TTC28: variants seen among roughly 807,000 people sequenced by gnomAD.
TTC28 encodes tetratricopeptide repeat domain 28.
Under a neutral mutation model 198.0 loss-of-function variants are expected in TTC28, and 61 were observed. The observed-to-expected ratio is 0.31, with a 90% CI of 0.25 to 0.38. The LOEUF (loss-of-function observed/expected upper bound fraction) is 0.38, where lower values mean the gene tolerates loss of function less well. Ranked by LOEUF, TTC28 falls within the 10% of genes least tolerant of loss-of-function variation. The pLI is 1.00. For missense variants in TTC28, 2,678 were observed against 3,164.0 expected, an observed-to-expected ratio of 0.85 and a Z score of 3.69; for synonymous variants, 1,171 against 1,297.8, an observed-to-expected ratio of 0.90 and a Z score of 2.10.
intron 12 of TTC28, among the ~76,000 whole-genome samples, chr22:28,074,690 C>A (rs1360245924): frequency 1.3e-5 from 2 of 152,166 alleles, no homozygotes; most frequent in African/African-American, 4.8e-5. Flanking sequence ...CATTTTTCCC[C>A]ACATCAATGT....
chr22:28,121,024 T>G (rs1225301736), intron 6 of TTC28, among the ~76,000 whole-genome samples: 3 of 152,346 alleles, frequency 2.0e-5, no homozygotes, highest in Non-Finnish European at 2.9e-5. Context: ...AAAATGGGAT[T>G]AAAATTGTGA....
At chr22:28,654,080 T>C (rs1342862334) in intron 1 of TTC28, among the ~76,000 whole-genome samples, 1 of 152,166 alleles carries the variant, frequency 6.6e-6, no homozygotes, top group African/African-American at 2.4e-5. Flanking sequence ...GAGGACATTA[T>C]AAAGGGATTG....
At chr22:28,462,149 T>C (rs903986195) in intron 2 of TTC28, among the ~76,000 whole-genome samples, 2 of 152,244 alleles carry the variant, frequency 1.3e-5, no homozygotes, top group Non-Finnish European at 2.9e-5. Context: ...ATATTATTTG[T>C]TCAAAATATT....
intron 6 of TTC28, among the ~76,000 whole-genome samples, chr22:28,155,727 G>A (rs2147032032): frequency 6.6e-6 from 1 of 152,276 alleles, no homozygotes; most frequent in South Asian, 2.1e-4. Flanking sequence ...TAGGTAAACG[G>A]TATATACAGA....
intron 6 of TTC28, among the ~76,000 whole-genome samples, chr22:28,148,588 G>A (rs1182826470): frequency 6.6e-6 from 1 of 150,940 alleles, no homozygotes; most frequent in African/African-American, 2.4e-5. Flanking sequence ...ACTTCAGCCT[G>A]GGCGACAGAA....
chr22:28,649,295 TA>T (rs1282129207), intron 1 of TTC28, among the ~76,000 whole-genome samples: 1 of 152,174 alleles, frequency 6.6e-6, no homozygotes, highest in East Asian at 1.9e-4. Flanking sequence ...ATGACTGCAC[TA>T]AAATCTCAGA....
chr22:28,209,735 A>G (rs1479873256), intron 5 of TTC28, among the ~76,000 whole-genome samples: 1 of 152,216 alleles, frequency 6.6e-6, no homozygotes, highest in Non-Finnish European at 1.5e-5. Context: ...AACAAAAGGC[A>G]GCAGAAACTT....
intron 12 of TTC28, among the ~76,000 whole-genome samples, chr22:28,079,791 C>A (rs752868826): frequency 2.0e-5 from 3 of 152,126 alleles, no homozygotes; most frequent in Non-Finnish European, 2.9e-5. Context: ...TACAGTGGCA[C>A]GATCACAGCT....
chr22:27,992,773 C>T lies in TTC28; in HGVS notation c.5477-110G>A. On this transcript the variant is annotated intron_variant, in intron 18 of 22. Transcript: ENST00000397906. ...AATCCTTGGCATCGGTGGCATTTTT[C>T]AGAAGCTCAGCACAGCTAGACATGT... is the stretch of plus-strand genomic sequence containing the variant. The T allele has an allele frequency of 5.9e-6, 6 of 1,013,170 alleles. No individual in the cohort carries two copies. The African/African-American group carries it at 9.8e-5, about 16-fold the overall frequency. The allele number at this position is 1,013,170 out of a possible 1,614,324, so 62.8% of individuals were successfully genotyped here.
chr22:28,420,660 C>T (rs1024458106), intron 2 of TTC28, among the ~76,000 whole-genome samples: 4 of 151,578 alleles, frequency 2.6e-5, no homozygotes, highest in East Asian at 1.9e-4. Context: ...TGCAGTGGCA[C>T]GCAATCTCAG....
chr22:28,217,555 T>C (rs377562854), intron 5 of TTC28, among the ~76,000 whole-genome samples: 151 of 152,320 alleles, frequency 9.9e-4, no homozygotes, highest in African/African-American at 3.4e-3. Flanking sequence ...TTATTGTCAT[T>C]AGTGAAATGA....
chr22:28,040,005 T>G (rs1939548807), intron 12 of TTC28, among the ~76,000 whole-genome samples: 1 of 152,196 alleles, frequency 6.6e-6, no homozygotes, highest in South Asian at 2.1e-4. Context: ...GATAAATTCC[T>G]GGACACATAC....
Position 28,030,353 on chromosome 22 carries a change from T to C in TTC28, c.3946A>G (p.Ser1316Gly), listed in dbSNP as rs1433046490. Reference protein sequence around the residue: ...ESHYSRACASSETESEAGDIM... With the variant: ...ESHYSRACASGETESEAGDIM... ...TCTCCCGCTTCACTCTCTGTCTCACTGCTGGCACAGGCCCTGCAGGAAAAA... is the reference window on the plus strand; with the variant it reads ...TCTCCCGCTTCACTCTCTGTCTCACCGCTGGCACAGGCCCTGCAGGAAAAA... The change falls in exon 13 of 23, where the codon AGT becomes GGT. Residue 1316 changes from serine to glycine, a missense_variant. By Grantham distance (56) the Ser-to-Gly change is moderately conservative. This residue lies in a region of TTC28 where 727 missense variants were observed against 861.9 expected (regional missense o/e 0.84). Coordinates refer to ENST00000397906, the MANE Select transcript of TTC28 (RefSeq NM_001145418.2). 6.4e-6 allele frequency: 10 copies of C among 1,551,870 alleles called. No homozygotes were observed. The highest frequency in any genetic ancestry group is 7.8e-6 in the Non-Finnish European group (9 of 1,147,030).
At chr22:28,499,435 T>C (rs2146363257) in intron 2 of TTC28, among the ~76,000 whole-genome samples, 1 of 152,310 alleles carries the variant, frequency 6.6e-6, no homozygotes, top group African/African-American at 2.4e-5. Flanking sequence ...TTGCTACCTT[T>C]CTCAGGGCAG....
chr22:28,568,434 G>A (rs536714597), intron 2 of TTC28, among the ~76,000 whole-genome samples: 1 of 152,244 alleles, frequency 6.6e-6, no homozygotes, highest in East Asian at 1.9e-4. Context: ...TCTCTTCACA[G>A]ATGATATGAT....
At chr22:28,347,343 G>T (rs1383149593) in intron 2 of TTC28, among the ~76,000 whole-genome samples, 1 of 151,430 alleles carries the variant, frequency 6.6e-6, no homozygotes, top group Middle Eastern at 3.4e-3. Context: ...CTCAACATAT[G>T]CTCCTTCAGT....
At position 28,088,138 on chromosome 22, in the gene TTC28, T is replaced by C. The variant is rs1466693547; in HGVS notation, c.3932+5942A>G. ...ATCCCCATCAAGCTACCAATGACTT[T>C]CTTCACAGAATTGGAGAAAACTACT... On this transcript the variant is annotated intron_variant, in intron 12 of 22. Coordinates refer to ENST00000397906, the MANE Select transcript of TTC28 (RefSeq NM_001145418.2). Among the ~76,000 whole-genome samples, 5 of 152,168 alleles carry C rather than the reference T, an allele frequency of 3.3e-5. 1 individual carries two copies. Among genetic ancestry groups the C allele is most frequent in the Non-Finnish European group, 5.9e-5 (4 of 68,030 alleles).
At chr22:28,224,137 A>C (rs1569208094) in intron 5 of TTC28, among the ~76,000 whole-genome samples, 1 of 152,122 alleles carries the variant, frequency 6.6e-6, no homozygotes, top group Non-Finnish European at 1.5e-5. Context: ...GATGCACAGA[A>C]CAGACCCCCA....
Position 28,043,242 on chromosome 22 carries a change from C to CAAAAAAAAAAAAA in TTC28, c.3933-12889_3933-12877dup, listed in dbSNP as rs11362041. 1.1e-3 allele frequency among the ~76,000 whole-genome samples: 70 copies of CAAAAAAAAAAAAA among 65,572 alleles called. 7 individuals are homozygous for CAAAAAAAAAAAAA. The highest frequency in any genetic ancestry group is 1.6e-3 in the African/African-American group (27 of 16,412). The allele number at this position is 65,572 out of a possible 152,430, so 43.0% of individuals were successfully genotyped here. A position where few individuals can be genotyped will look rare whatever the true frequency, so the allele number is the denominator to read the frequency against. ...TGCATAACAGAGTAAGACTCCATCT[C>CAAAAAAAAAAAAA]AAAAAAAAAAAAAAAAAAAAAAAAA... On this transcript the variant is annotated intron_variant, in intron 12 of 22. Coordinates refer to ENST00000397906, the MANE Select transcript of TTC28 (RefSeq NM_001145418.2).
Sources: allele counts gnomAD v4.1 joint callset (sites outside exome capture counted in the v4.1 genomes callset), GRCh38; gene constraint gnomAD v4.1.1; regional missense constraint gnomAD v4.1.1; transcripts MANE v1.5; gene names NCBI Gene and HGNC (gene_info 2026-07-23, HGNC 2026-07-21).